The following PEX7 variants were observed in gnomAD, a reference collection of about 807,000 sequenced individuals.
PEX7 encodes peroxisomal biogenesis factor 7.
A neutral mutation model predicts 47.5 loss-of-function variants in PEX7; 34 were observed. The ratio of observed to expected loss-of-function variants is 0.72; its 90% CI spans 0.54 to 0.95. PEX7 has a LOEUF of 0.95. Ranked by LOEUF, PEX7 falls within the 40% of genes least tolerant of loss-of-function variation. The pLI is 0.00. For synonymous variants in PEX7, 141 were observed against 148.8 expected (o/e 0.95, Z 0.38); for missense variants, 394 against 400.3 (o/e 0.98, Z 0.13).
intron 5 of PEX7, among the ~76,000 whole-genome samples, chr6:136,849,494 C>T (rs542820061): frequency 6.4e-4 from 98 of 152,294 alleles, no homozygotes; most frequent in African/African-American, 2.3e-3. Flanking sequence ...GCATTTAGTG[C>T]TATGAATTTC....
chr6:136,836,547 C>T (rs1033213725), intron 3 of PEX7, among the ~76,000 whole-genome samples: 4 of 152,122 alleles, frequency 2.6e-5, no homozygotes, highest in Non-Finnish European at 5.9e-5. Context: ...GCACATTAAT[C>T]TAAAGATCTA....
intron 3 of PEX7, among the ~76,000 whole-genome samples, chr6:136,828,523 C>T (rs1774237781): frequency 6.6e-6 from 1 of 152,210 alleles, no homozygotes; most frequent in South Asian, 2.1e-4. Context: ...AGACCAGGTC[C>T]AGCCCCTCTT....
At chr6:136,832,878 T>A (rs1295962998) in intron 3 of PEX7, among the ~76,000 whole-genome samples, 1 of 152,228 alleles carries the variant, frequency 6.6e-6, no homozygotes, top group East Asian at 1.9e-4. Flanking sequence ...ACTTCATTGT[T>A]CATATCACTA....
chr6:136,822,973 A>T (rs1022753430), intron 1 of PEX7, 178 bp downstream of exon 1: 3 of 985,300 alleles, frequency 3.0e-6, no homozygotes, highest in Non-Finnish European at 1.2e-6. Flanking sequence ...GAGTGCGAGG[A>T]GTTGGTCTGA....
intron 5 of PEX7, among the ~76,000 whole-genome samples, chr6:136,849,540 C>T (rs1774697137): frequency 6.6e-6 from 1 of 152,160 alleles, no homozygotes; most frequent in Non-Finnish European, 1.5e-5. Flanking sequence ...CCCAGAGATT[C>T]TGGTATGTTG....
intron 3 of PEX7, among the ~76,000 whole-genome samples, chr6:136,831,094 T>C (rs1440799428): frequency 6.6e-6 from 1 of 152,212 alleles, no homozygotes; most frequent in African/African-American, 2.4e-5. Context: ...TTAGTCTGTT[T>C]TCACATTGTT....
Position 136,898,145 on chromosome 6 carries a change from C to T in PEX7, c.807C>T (p.Phe269=). Residue 269 remains phenylalanine (F), a synonymous_variant, in exon 9 of 10, where the codon TTC becomes TTT. Coordinates refer to ENST00000318471, the MANE Select transcript of PEX7 (RefSeq NM_000288.4). ...ASCSYDFTVR[F]WNFSKPDSLL... ...TCCCTTTTATTTATCTTCACAGATT[C>T]TGGAACTTTTCAAAGCCTGACTCTC... The T allele has an allele frequency of 6.3e-7, 1 of 1,590,960 alleles. No individual in the cohort carries two copies. Among genetic ancestry groups the T allele is most frequent in the Non-Finnish European group, 8.6e-7 (1 of 1,159,066 alleles).
intron 3 of PEX7, among the ~76,000 whole-genome samples, chr6:136,829,083 A>G (rs1233347518): frequency 6.6e-6 from 1 of 152,208 alleles, no homozygotes; most frequent in Non-Finnish European, 1.5e-5. Flanking sequence ...AATGGCTTCA[A>G]CAGTCAGAGT....
At position 136,892,316 on chromosome 6, in the gene PEX7, T is replaced by A. The variant is rs189645237; in HGVS notation, c.804-5826T>A. The stretch of plus-strand genomic sequence containing the variant: ...ACTTGGTCCATGCCTATTTGAACTT[T>A]CAGGGTGTTAATCAAAACTGCCTGA... On this transcript the variant is annotated intron_variant, in intron 8 of 9. Coordinates refer to ENST00000318471, the MANE Select transcript of PEX7 (RefSeq NM_000288.4). 2.6e-5 allele frequency among the ~76,000 whole-genome samples: 4 copies of A among 152,332 alleles called. No homozygotes were observed. In the East Asian group the frequency reaches 7.7e-4, roughly 29 times the overall value.
intron 3 of PEX7, among the ~76,000 whole-genome samples, chr6:136,845,212 A>G (rs575137081): frequency 2.0e-5 from 3 of 152,310 alleles, no homozygotes; most frequent in South Asian, 4.1e-4. Context: ...CCAGATAGGG[A>G]TATTAATTGA....
At chr6:136,891,942 C>T (rs1197997581) in intron 8 of PEX7, among the ~76,000 whole-genome samples, 36 of 152,092 alleles carry the variant, frequency 2.4e-4, no homozygotes, top group Non-Finnish European at 3.4e-4. Context: ...ATTTTTTAAT[C>T]CCTTCCAAAA....
rs1775735304 is a variant in PEX7, at chr6:136,900,510, C to G, written c.903+2269C>G. The G allele has an allele frequency of 6.3e-6, 3 of 479,400 alleles. No individual in the cohort carries two copies. The Admixed American group carries it at 6.4e-5, about 10-fold the overall frequency. The allele number at this position is 479,400 out of a possible 1,614,324, so 29.7% of individuals were successfully genotyped here. On this transcript the variant is annotated intron_variant, in intron 9 of 9. Transcript: ENST00000318471. This position sits in a 1 kb window ranked among gnomAD's most constrained non-coding sequence, Gnocchi z 4.2. The stretch of plus-strand genomic sequence containing the variant: ...CATCGTGTCTGTCATTGTAATTGGT[C>G]CTGATAGCTTCCACCATCTTAGCCA...
chr6:136,826,496 T>C lies in PEX7; in HGVS notation c.339+27T>C, dbSNP rs190600884. 1.1e-5 allele frequency: 18 copies of C among 1,613,752 alleles called. No homozygotes were observed. In the East Asian group the frequency reaches 3.6e-4, roughly 32 times the overall value. On this transcript the variant is annotated intron_variant, in intron 3 of 9. Transcript: ENST00000318471. ...TAGGAGGGAAATCTTTCTGGGCTGA[T>C]TATTTTTCTTTCTTCGACTTTGGTT...
At chr6:136,909,189 A>C (rs1775894555) in intron 9 of PEX7, among the ~76,000 whole-genome samples, 1 of 152,254 alleles carries the variant, frequency 6.6e-6, no homozygotes. Flanking sequence ...TAAATGGATG[A>C]ATAGGTGTAT....
At chr6:136,898,710 A>T (rs751528302) in intron 9 of PEX7, among the ~76,000 whole-genome samples, 32 of 152,172 alleles carry the variant, frequency 2.1e-4, no homozygotes, top group African/African-American at 4.8e-5. Context: ...CAAGTAAAAT[A>T]GAATGTCTGC....
chr6:136,854,626 A>G (rs79763730), intron 5 of PEX7, among the ~76,000 whole-genome samples: 3,050 of 152,316 alleles, frequency 0.02, 109 homozygotes, highest in African/African-American at 0.07. Flanking sequence ...TCTACCACAG[A>G]GAGTATTAGT....
chr6:136,834,094 C>A (rs544703441), intron 3 of PEX7, among the ~76,000 whole-genome samples: 12 of 152,304 alleles, frequency 7.9e-5, no homozygotes, highest in Admixed American at 3.9e-4. Context: ...GAGAGGAGAA[C>A]CAGGGACTGC....
intron 3 of PEX7, among the ~76,000 whole-genome samples, chr6:136,838,176 T>A (rs2115155258): frequency 6.6e-6 from 1 of 152,314 alleles, no homozygotes; most frequent in South Asian, 2.1e-4. Context: ...ATTGAAACAT[T>A]CTGTGAACAA....
chr6:136,823,358 C>G (rs1355158314), intron 1 of PEX7: 17 of 985,272 alleles, frequency 1.7e-5, no homozygotes, highest in Non-Finnish European at 2.0e-5. Context: ...AGTTGTCTAA[C>G]GAGGAATGCA....
Sources: gnomAD v4.1 joint callset for allele counts (sites outside exome capture counted in the v4.1 genomes callset) on GRCh38, gnomAD v4.1.1 for gene constraint, Gnocchi (gnomAD v3.1) non-coding constraint, MANE v1.5 for transcripts, NCBI Gene and HGNC (gene_info 2026-07-23, HGNC 2026-07-21) for gene names.